Variants in TRPM1 observed in about 807,000 individuals in gnomAD.
The protein encoded by TRPM1 is transient receptor potential cation channel subfamily M member 1.
A neutral mutation model predicts 149.4 loss-of-function variants in TRPM1; 113 were observed. That is an observed-to-expected ratio of 0.76 (90% confidence interval 0.65 to 0.88). The LOEUF is 0.88. Ranked by LOEUF, TRPM1 falls within the 40% of genes least tolerant of loss-of-function variation. The pLI is 0.00. For missense variants in TRPM1, 1,976 were observed against 2,038.7 expected (o/e 0.97, Z 0.59); for synonymous variants, 741 against 759.5 (o/e 0.98, Z 0.40).
intron 11 of TRPM1, among the ~76,000 whole-genome samples, chr15:31,057,564 A>T (rs1438815426): frequency 1.3e-5 from 2 of 152,254 alleles, no homozygotes; most frequent in Non-Finnish European, 2.9e-5. Context: ...AATATAAACT[A>T]TGTATATGCA....
rs755230555 is a variant in TRPM1, at chr15:31,038,153, A to G, written c.2330T>C (p.Ile777Thr). 43 of 1,613,998 alleles carry G rather than the reference A, an allele frequency of 2.7e-5. No individual in the cohort carries two copies. The highest frequency in any genetic ancestry group is 2.5e-5 in the Non-Finnish European group (30 of 1,179,992). ...AAACAAGATGGTGGGGGGTAGAAGA[A>G]TCCCCATGATAACCTACGGAACATA... Reference protein sequence around the residue: ...KNPGLKVIMGILLPPTILFLE... With the variant: ...KNPGLKVIMGTLLPPTILFLE... Residue 777 changes from isoleucine to threonine, a missense_variant, in exon 19 of 28, where the codon ATT (isoleucine) becomes ACT (threonine). Transcript: ENST00000256552.
At position 31,047,146 on chromosome 15, in the gene TRPM1, G is replaced by A. The variant is rs373261110; in HGVS notation, c.1729C>T (p.Arg577Trp). The change falls in exon 15 of 28, where the codon CGG becomes TGG. Residue 577 changes from arginine (R) to tryptophan (W), a missense_variant. Physicochemically the swap from Arg to Trp is moderately radical, Grantham distance 101. This residue lies in a region of TRPM1 where 1,332 missense variants were observed against 1,347.1 expected (regional missense o/e 0.99). Coordinates refer to ENST00000256552, the MANE Select transcript of TRPM1 (RefSeq NM_001252024.2). Reference protein sequence around the residue: ...YRCNYTRKNFRTLYNNLFGPK... With the variant: ...YRCNYTRKNFWTLYNNLFGPK... The stretch of plus-strand genomic sequence containing the variant: ...CCAAACAAGTTGTTGTAAAGGGTCC[G>A]AAAGTTTTTCCGAGTGTAGTTGCAG... 2.3e-5 allele frequency: 37 copies of A among 1,614,102 alleles called. No homozygotes were observed. Among genetic ancestry groups the A allele is most frequent in the African/African-American group, 1.1e-4 (8 of 74,940 alleles).
intron 18 of TRPM1, among the ~76,000 whole-genome samples, chr15:31,039,208 T>A (rs1282037621): frequency 6.6e-6 from 1 of 152,138 alleles, no homozygotes. Flanking sequence ...TGGGTTTCAG[T>A]GTTGTTGATG....
chr15:31,064,220 G>A (rs561618762), intron 7 of TRPM1, among the ~76,000 whole-genome samples: 2 of 152,360 alleles, frequency 1.3e-5, no homozygotes, highest in Admixed American at 1.3e-4. Context: ...ATACAAATGA[G>A]GTACACTGTT....
At chr15:31,089,848 G>A (rs2035179081) in intron 1 of TRPM1, among the ~76,000 whole-genome samples, 1 of 152,210 alleles carries the variant, frequency 6.6e-6, no homozygotes. Context: ...GCCCTTGTGA[G>A]TAAGGGGATA....
chr15:31,059,526 C>T (rs891685525), intron 11 of TRPM1, among the ~76,000 whole-genome samples: 2 of 152,162 alleles, frequency 1.3e-5, no homozygotes, highest in African/African-American at 4.8e-5. Context: ...CTGCCTCAGC[C>T]TCCAAAGTAG....
At chr15:31,066,318 A>G (rs1415834126) in intron 6 of TRPM1, 71 bp from the exon 7 acceptor site, 2 of 1,543,370 alleles carry the variant, frequency 1.3e-6, no homozygotes, top group Non-Finnish European at 1.8e-6. Flanking sequence ...AAGCAAGCAC[A>G]ATACATATGT....
At chr15:31,106,906 C>G (rs2035615779) in intron 1 of TRPM1, among the ~76,000 whole-genome samples, 1 of 152,144 alleles carries the variant, frequency 6.6e-6, no homozygotes, top group Admixed American at 6.5e-5. Flanking sequence ...TTTATGAGTC[C>G]TTGTTTTCCC....
Position 31,026,935 on chromosome 15 carries a change from T to A in TRPM1, c.3476A>T (p.Glu1159Val). 6.2e-7 allele frequency: 1 copy of A among 1,614,102 alleles called. No homozygotes were observed. Among genetic ancestry groups the A allele is most frequent in the Non-Finnish European group, 8.5e-7 (1 of 1,180,022 alleles). The stretch of plus-strand genomic sequence containing the variant: ...CATACTCAATCCACGATCCCGTTCC[T>A]CTTGGTCCCCTTCTCTCTTTTTCCT... Reference protein sequence around the residue: ...RCRKKREGDQEERDRGLKLFL... With the variant: ...RCRKKREGDQVERDRGLKLFL... Residue 1159 changes from glutamate to valine, a missense_variant, in exon 26 of 28, where the codon GAG becomes GTG. Around this residue, in one of 3 missense-constraint regions of TRPM1, gnomAD observed 572 missense variants for 578.9 expected, o/e 0.99. Coordinates refer to ENST00000256552, the MANE Select transcript of TRPM1 (RefSeq NM_001252024.2).
chr15:31,047,244 A>G lies in TRPM1; in HGVS notation c.1631T>C (p.Leu544Pro), dbSNP rs2033799633. The G allele has an allele frequency of 6.2e-7, 1 of 1,614,220 alleles. No individual in the cohort carries two copies. Among genetic ancestry groups the G allele is most frequent in the Non-Finnish European group, 8.5e-7 (1 of 1,180,044 alleles). The change falls in exon 15 of 28, where the codon CTT (leucine) becomes CCT (proline). Residue 544 changes from leucine (L) to proline (P), a missense_variant. This residue lies in a region of TRPM1 where 1,332 missense variants were observed against 1,347.1 expected (regional missense o/e 0.99). Coordinates refer to ENST00000256552, the MANE Select transcript of TRPM1 (RefSeq NM_001252024.2). The part of the protein sequence containing the change: ...LLVRDVKKSN[L>P]PPDYHISLID... ...GAGGCTGATGTGGTAATCAGGCGGA[A>G]GGTTGCTCTGTAAAAGAAGTCTGGT...
At chr15:31,035,953 T>C (rs1435516279) in intron 20 of TRPM1, 5 of 503,892 alleles carry the variant, frequency 9.9e-6, no homozygotes, top group East Asian at 3.8e-5. Context: ...GGGGAAACTA[T>C]GAAGTTGCAA....
chr15:31,159,964 C>T (rs1484242181), intron 1 of TRPM1, among the ~76,000 whole-genome samples: 1 of 152,140 alleles, frequency 6.6e-6, no homozygotes, highest in Non-Finnish European at 1.5e-5. Flanking sequence ...GTATCCTCCC[C>T]AGCCCACACA....
intron 27 of TRPM1, among the ~76,000 whole-genome samples, chr15:31,020,070 C>G (rs1264386693): frequency 6.6e-6 from 1 of 152,234 alleles, no homozygotes; most frequent in Non-Finnish European, 1.5e-5. Context: ...TAGCTGTATG[C>G]TGCCTCATTT....
chr15:31,089,385 T>C (rs112523058), intron 1 of TRPM1, among the ~76,000 whole-genome samples: 1 of 152,330 alleles, frequency 6.6e-6, no homozygotes, highest in African/African-American at 2.4e-5. Flanking sequence ...CTATGAAGTA[T>C]ACGTTGTTTC....
chr15:31,158,278 G>A (rs140423715), intron 1 of TRPM1, among the ~76,000 whole-genome samples: 1,700 of 152,116 alleles, frequency 0.011, 35 homozygotes, highest in African/African-American at 0.039. Flanking sequence ...CTTGGATCTC[G>A]TGCAAGAAAG....
chr15:31,027,164 G>A (rs764013706), intron 25 of TRPM1, 47 bp from the exon 26 acceptor site: 1 of 1,575,690 alleles, frequency 6.3e-7, no homozygotes, highest in Non-Finnish European at 8.7e-7. Context: ...ACTTTTTATA[G>A]TGATTTCCCA....
chr15:31,087,363 G>C (rs1876957366), intron 1 of TRPM1, among the ~76,000 whole-genome samples: 1 of 144,232 alleles, frequency 6.9e-6, no homozygotes, highest in Non-Finnish European at 1.5e-5. Flanking sequence ...TCCTGCCTCA[G>C]CCTCCATGTA....
chr15:31,145,273 C>A (rs999066885), intron 1 of TRPM1, among the ~76,000 whole-genome samples: 2 of 152,196 alleles, frequency 1.3e-5, no homozygotes, highest in African/African-American at 2.4e-5. Flanking sequence ...GCCAGGACAA[C>A]AAGATGCTGA....
intron 1 of TRPM1, among the ~76,000 whole-genome samples, chr15:31,142,420 T>C (rs1403550305): frequency 6.6e-6 from 1 of 152,210 alleles, no homozygotes; most frequent in African/African-American, 2.4e-5. Flanking sequence ...TATTGTGAGA[T>C]CTTGTAGGTA....
Sources: allele counts gnomAD v4.1 joint callset (sites outside exome capture counted in the v4.1 genomes callset), GRCh38; gene constraint gnomAD v4.1.1; regional missense constraint gnomAD v4.1.1; transcripts MANE v1.5; gene names NCBI Gene and HGNC (gene_info 2026-07-23, HGNC 2026-07-21).